The following CAMKMT variants were observed in gnomAD, a reference collection of about 807,000 sequenced individuals.
CAMKMT encodes CaM KMT.
A neutral mutation model predicts 48.0 loss-of-function variants in CAMKMT; 53 were observed. The ratio of observed to expected loss-of-function variants is 1.10; its 90% CI spans 0.89 to 1.39. The LOEUF (loss-of-function observed/expected upper bound fraction) is 1.39. Ranked by LOEUF, CAMKMT falls within the 40% of genes most tolerant of loss-of-function variation. The pLI is 0.00. For synonymous variants in CAMKMT, 165 were observed against 152.3 expected (o/e 1.08, Z -0.61); for missense variants, 428 against 402.7 (o/e 1.06, Z -0.54).
chr2:44,726,478 G>A (rs529869287), intron 7 of CAMKMT, among the ~76,000 whole-genome samples: 30 of 151,982 alleles, frequency 2.0e-4, no homozygotes, highest in South Asian at 2.1e-4. Flanking sequence ...TGAGGTTATT[G>A]TTTTTTGCTT....
chr2:44,362,944 C>T (rs571231888), intron 1 of CAMKMT, among the ~76,000 whole-genome samples: 3 of 152,202 alleles, frequency 2.0e-5, no homozygotes, highest in African/African-American at 7.2e-5. Context: ...TATGCCTCTG[C>T]CTGAAGTTTT....
At chr2:44,715,971 C>T (rs1378281004) in intron 7 of CAMKMT, among the ~76,000 whole-genome samples, 4 of 152,118 alleles carry the variant, frequency 2.6e-5, no homozygotes, top group Non-Finnish European at 4.4e-5. Flanking sequence ...CTTATACAAA[C>T]TAGGAGGAAT....
At chr2:44,375,123 C>T (rs1268032770) in intron 2 of CAMKMT, among the ~76,000 whole-genome samples, 1 of 151,616 alleles carries the variant, frequency 6.6e-6, no homozygotes, top group African/African-American at 2.4e-5. Context: ...AGAGTGAGAC[C>T]CCTTTAGGGA....
intron 3 of CAMKMT, among the ~76,000 whole-genome samples, chr2:44,436,746 G>A (rs1056906285): frequency 1.3e-5 from 2 of 152,006 alleles, no homozygotes; most frequent in Non-Finnish European, 1.5e-5. Flanking sequence ...TGTGATTACA[G>A]TCAACAATAA....
chr2:44,430,226 A>C (rs1307745181), intron 3 of CAMKMT, among the ~76,000 whole-genome samples: 1 of 152,090 alleles, frequency 6.6e-6, no homozygotes, highest in Non-Finnish European at 1.5e-5. Flanking sequence ...ATCTCCATCA[A>C]CTGTAAAGTT....
At chr2:44,526,721 TAC>T (rs1486600775) in intron 3 of CAMKMT, among the ~76,000 whole-genome samples, 1 of 152,166 alleles carries the variant, frequency 6.6e-6, no homozygotes. Flanking sequence ...CGATTTTTTT[TAC>T]AGTCTACTGA....
intron 3 of CAMKMT, among the ~76,000 whole-genome samples, chr2:44,416,943 C>CT (rs1286685603): frequency 6.6e-6 from 1 of 150,906 alleles, no homozygotes; most frequent in Non-Finnish European, 1.5e-5. Flanking sequence ...ATTTTTTTCA[C>CT]TTTTTTTAGA....
chr2:44,421,394 A>T (rs890803045), intron 3 of CAMKMT, among the ~76,000 whole-genome samples: 1 of 152,162 alleles, frequency 6.6e-6, no homozygotes, highest in African/African-American at 2.4e-5. Flanking sequence ...TAAACTAAAG[A>T]TCCTCTCTCA....
chr2:44,765,111 C>T (rs1038410080), intron 9 of CAMKMT, among the ~76,000 whole-genome samples: 1 of 152,064 alleles, frequency 6.6e-6, no homozygotes, highest in Non-Finnish European at 1.5e-5. Flanking sequence ...GCCTGTAATT[C>T]CAGCTACTCA....
chr2:44,436,542 C>T (rs1442766153), intron 3 of CAMKMT, among the ~76,000 whole-genome samples: 1 of 151,728 alleles, frequency 6.6e-6, no homozygotes, highest in East Asian at 1.9e-4. Flanking sequence ...GAGGACCACA[C>T]AGGGTTTTTG....
chr2:44,526,021 A>C (rs1485616170), intron 3 of CAMKMT, among the ~76,000 whole-genome samples: 1 of 152,184 alleles, frequency 6.6e-6, no homozygotes, highest in African/African-American at 2.4e-5. Context: ...TGGATTAAGA[A>C]AATGTGGCAC....
At chr2:44,513,060 C>G (rs749760693) in intron 3 of CAMKMT, among the ~76,000 whole-genome samples, 34 of 152,130 alleles carry the variant, frequency 2.2e-4, no homozygotes, top group Non-Finnish European at 4.0e-4. Context: ...ATAAAACATT[C>G]TGATGAGTGC....
At chr2:44,437,533 C>T (rs1355526989) in intron 3 of CAMKMT, among the ~76,000 whole-genome samples, 2 of 140,834 alleles carry the variant, frequency 1.4e-5, no homozygotes, top group Non-Finnish European at 2.9e-5. Context: ...AGCCATAAGC[C>T]GTTAGTAGTG....
At chr2:44,390,160 C>T in intron 2 of CAMKMT, 81 bp from the exon 3 acceptor site, 2 of 965,740 alleles carry the variant, frequency 2.1e-6, no homozygotes, top group Non-Finnish European at 1.6e-6. Flanking sequence ...CCATAATATA[C>T]AGTCTCAGTC....
rs147089949 is a variant in CAMKMT at position 44,637,881 on chromosome 2, A to G, written c.377-66402A>G. 7.8e-3 allele frequency among the ~76,000 whole-genome samples: 1,183 copies of G among 152,126 alleles called. 19 individuals carry two copies. The highest frequency in any genetic ancestry group is 0.027 in the African/African-American group (1,112 of 41,520). On this transcript the variant is annotated intron_variant, in intron 3 of 10. Transcript: ENST00000378494. ...AATGATTGAGACCATCCTGGCCAAC[A>G]TGGTGAAACCCCATCTCCACTACAA...
intron 3 of CAMKMT, among the ~76,000 whole-genome samples, chr2:44,608,649 ATCTCTC>A (rs1241528631): frequency 2.0e-5 from 3 of 151,834 alleles, no homozygotes; most frequent in African/African-American, 4.8e-5. Flanking sequence ...CCTCTTGATT[ATCTCTC>A]TCTCTTTCTC....
rs17032367 is a variant in CAMKMT, at chr2:44,549,142, A to G, written c.377-155141A>G. On this transcript the variant is annotated intron_variant, in intron 3 of 10. Transcript: ENST00000378494. The stretch of plus-strand genomic sequence containing the variant: ...TATGTCTCTTTCTGGTACATCGGCT[A>G]AGCTCTTCTTTCTGTTGGAGAAAAA... 8.5e-3 allele frequency among the ~76,000 whole-genome samples: 1,296 copies of G among 152,220 alleles called. 12 individuals are homozygous for G. Among genetic ancestry groups the G allele is most frequent in the African/African-American group, 0.024 (1,000 of 41,532 alleles).
chr2:44,766,646 T>C, intron 10 of CAMKMT, 85 bp downstream of exon 10: 7 of 1,475,880 alleles, frequency 4.7e-6, no homozygotes, highest in Non-Finnish European at 6.5e-6. Flanking sequence ...GTAACCTAAA[T>C]ATTTGATTAA....
intron 3 of CAMKMT, among the ~76,000 whole-genome samples, chr2:44,700,089 G>A (rs186729968): frequency 1.3e-5 from 2 of 152,332 alleles, no homozygotes; most frequent in Non-Finnish European, 2.9e-5. Flanking sequence ...GCACTTTTGT[G>A]TTACAGAAAT....
Sources: allele counts gnomAD v4.1 joint callset (sites outside exome capture counted in the v4.1 genomes callset), GRCh38; gene constraint gnomAD v4.1.1; transcripts MANE v1.5; gene names NCBI Gene and HGNC (gene_info 2026-07-23, HGNC 2026-07-21).